The following TPTE2 variants were observed in gnomAD, a reference collection of about 807,000 sequenced individuals.
TPTE2 encodes phosphatidylinositol 3,4,5-trisphosphate 3-phosphatase TPTE2.
TPTE2 carries 53 observed loss-of-function variants against 78.6 expected under a neutral mutation model. That is an observed-to-expected ratio of 0.67 (90% CI 0.54 to 0.85). The LOEUF (loss-of-function observed/expected upper bound fraction) is 0.85. TPTE2 is among the 40% of genes least tolerant of loss of function. The pLI is 0.00. For missense variants in TPTE2, 461 were observed against 623.0 expected (o/e 0.74, Z 2.77); for synonymous variants, 175 against 206.2 (o/e 0.85, Z 1.30).
intron 1 of TPTE2, among the ~76,000 whole-genome samples, chr13:19,497,944 G>T (rs974577086): frequency 6.6e-6 from 1 of 151,744 alleles, no homozygotes; most frequent in African/African-American, 2.4e-5. Context: ...CCAATACAGA[G>T]AAGTGCTTAA....
At chr13:19,449,174 T>G (rs1170267824) in intron 13 of TPTE2, among the ~76,000 whole-genome samples, 2 of 152,158 alleles carry the variant, frequency 1.3e-5, no homozygotes, top group South Asian at 4.1e-4. Flanking sequence ...TTTACTTTAT[T>G]ATTATTGTTA....
At chr13:19,530,334 G>A (rs777730317) in intron 1 of TPTE2, among the ~76,000 whole-genome samples, 3 of 152,146 alleles carry the variant, frequency 2.0e-5, no homozygotes, top group Admixed American at 6.5e-5. Flanking sequence ...TGGTGGCTAC[G>A]AAGATGACGG....
chr13:19,505,353 C>G (rs555473827), upstream of TPTE2, among the ~76,000 whole-genome samples: 67 of 152,196 alleles, frequency 4.4e-4, no homozygotes, highest in African/African-American at 1.5e-3. Context: ...GTTGGTCAGG[C>G]TGGTCTCAAA....
the TPTE2 span, among the ~76,000 whole-genome samples, chr13:19,544,060 CA>C: frequency 0.14 from 4,262 of 31,256 alleles, 40 homozygotes; most frequent in Middle Eastern, 0.28. Flanking sequence ...GAACCTGTCT[CA>C]AAAAAAAAAA....
rs762721148 is a variant in TPTE2, at chr13:19,426,563, A to G, written c.1303-46T>C. ...TTGAGAACTACAAACCTAGATAACG[A>G]TAACAAAAGTTCCTTTTCACTTATC... On this transcript the variant is annotated intron_variant, in intron 17 of 19. Transcript: ENST00000400230. The G allele has an allele frequency of 8.4e-5, 96 of 1,141,254 alleles. No individual in the cohort carries two copies. In the African/African-American group the frequency reaches 1.3e-3, roughly 15 times the overall value. 70.7% of individuals were successfully genotyped at this position (1,141,254 alleles called of 1,614,324 possible).
the TPTE2 span, among the ~76,000 whole-genome samples, chr13:19,548,773 G>A: frequency 2.0e-5 from 3 of 151,844 alleles, no homozygotes; most frequent in Admixed American, 1.3e-4. Context: ...AGAAGATCTA[G>A]GAAATACCAT....
At chr13:19,528,040 C>A (rs957671042) in intron 1 of TPTE2, among the ~76,000 whole-genome samples, 11 of 152,108 alleles carry the variant, frequency 7.2e-5, no homozygotes, top group Non-Finnish European at 1.6e-4. Context: ...TGCAGTGTGG[C>A]AACTGCAGTA....
At chr13:19,560,561 A>G in the TPTE2 span, 25 of 1,599,000 alleles carry the variant, frequency 1.6e-5, 1 homozygote, top group South Asian at 2.8e-4. Flanking sequence ...CTCTTGGCCC[A>G]GCTGATGGTG....
chr13:19,443,341 T>TA lies in TPTE2; in HGVS notation c.974-5189dup, dbSNP rs796688075. Among the ~76,000 whole-genome samples, 573 of 141,544 alleles carry TA rather than the reference T, an allele frequency of 4.0e-3. 10 individuals carry two copies. The South Asian group carries it at 0.046, about 11-fold the overall frequency. 92.9% of individuals were successfully genotyped at this position (141,544 alleles called of 152,430 possible). On this transcript the variant is annotated intron_variant, in intron 13 of 19. Transcript: ENST00000400230. ...AAGAATTCAACATCCATTCATGATT[T>TA]AAAAAAAAAAAAACTCTTAGCAAGC...
chr13:19,547,063 T>C, the TPTE2 span, among the ~76,000 whole-genome samples: 1 of 145,504 alleles, frequency 6.9e-6, no homozygotes, highest in East Asian at 2.1e-4. Flanking sequence ...ATTAATATTA[T>C]GAAGAGAAGA....
chr13:19,438,079 A>G lies in TPTE2; in HGVS notation c.1035+13T>C. The G allele has an allele frequency of 6.2e-7, 1 of 1,603,586 alleles. No individual in the cohort carries two copies. ...ATCATCATAAGAGAAAGTTTGTAGA[A>G]CATCTTTCATACCTCGGCAGTTAAA... On this transcript the variant is annotated intron_variant, in intron 14 of 19. Coordinates refer to ENST00000400230, the Ensembl canonical transcript of TPTE2.
intron 13 of TPTE2, among the ~76,000 whole-genome samples, chr13:19,442,586 T>C (rs1877567903): frequency 6.6e-6 from 1 of 150,710 alleles, no homozygotes; most frequent in African/African-American, 2.4e-5. Context: ...AAATAAAAAA[T>C]AAGTAAAAAA....
intron 18 of TPTE2, among the ~76,000 whole-genome samples, chr13:19,426,061 C>T (rs377198060): frequency 0.056 from 8,437 of 150,432 alleles, 246 homozygotes; most frequent in Non-Finnish European, 0.064. Context: ...CCTGTCTCAA[C>T]TTCTTAATTT....
At chr13:19,448,103 G>T (rs7335770) in intron 13 of TPTE2, among the ~76,000 whole-genome samples, 244 of 152,222 alleles carry the variant, frequency 1.6e-3, no homozygotes, top group African/African-American at 5.6e-3. Flanking sequence ...TTCAATAAAC[G>T]ATACTGGGGA....
intron 1 of TPTE2, among the ~76,000 whole-genome samples, chr13:19,508,455 T>G (rs1869216017): frequency 6.6e-6 from 1 of 151,888 alleles, no homozygotes; most frequent in South Asian, 2.1e-4. Context: ...TGTTGAAACA[T>G]GAAATGAGAA....
At chr13:19,490,660 C>A (rs1455777475) in intron 3 of TPTE2, among the ~76,000 whole-genome samples, 1 of 152,228 alleles carries the variant, frequency 6.6e-6, no homozygotes, top group African/African-American at 2.4e-5. Flanking sequence ...TCATGGATGT[C>A]TTTCCTGCCC....
intron 1 of TPTE2, among the ~76,000 whole-genome samples, chr13:19,498,687 C>A (rs1489166338): frequency 1.3e-5 from 2 of 151,986 alleles, no homozygotes; most frequent in African/African-American, 4.8e-5. Flanking sequence ...CCAGCCACTG[C>A]AAAATCATGC....
At chr13:19,468,751 C>A (rs1038908756) in intron 6 of TPTE2, among the ~76,000 whole-genome samples, 1 of 152,090 alleles carries the variant, frequency 6.6e-6, no homozygotes, top group Non-Finnish European at 1.5e-5. Flanking sequence ...TTCTACACTG[C>A]GAATTTCTCT....
intron 1 of TPTE2, among the ~76,000 whole-genome samples, chr13:19,497,813 A>C (rs867158443): frequency 3.3e-5 from 5 of 151,120 alleles, no homozygotes; most frequent in Non-Finnish European, 5.9e-5. Context: ...TGACTTTGAC[A>C]AGCTGAGAGA....
Sources: gnomAD v4.1 joint callset for allele counts (sites outside exome capture counted in the v4.1 genomes callset) on GRCh38, gnomAD v4.1.1 for gene constraint, MANE v1.5 for transcripts, NCBI Gene and HGNC (gene_info 2026-07-23, HGNC 2026-07-21) for gene names.